Variants in LPAR3 observed in about 807,000 individuals in gnomAD.
LPAR3 encodes lysophosphatidic acid receptor 3, also known as LPA receptor 3.
LPAR3 carries 7 observed loss-of-function variants against 17.8 expected under a neutral mutation model. The observed-to-expected ratio is 0.39, with a 90% CI of 0.22 to 0.74. The LOEUF (loss-of-function observed/expected upper bound fraction) is 0.74. LPAR3 is among the 30% of genes least tolerant of loss of function. LPAR3 has a pLI of 0.40. For missense variants in LPAR3, 391 were observed against 453.4 expected (o/e 0.86, Z 1.25); for synonymous variants, 179 against 179.9 (o/e 0.99, Z 0.04).
chr1:84,858,106 A>T (rs1414290114), intron 2 of LPAR3, among the ~76,000 whole-genome samples: 2 of 152,310 alleles, frequency 1.3e-5, no homozygotes, highest in East Asian at 3.9e-4. Flanking sequence ...CATTCAAAAA[A>T]TGCTCATTTC....
chr1:84,844,471 A>G lies in LPAR3; in HGVS notation c.736+20914T>C, dbSNP rs1489712799. Among the ~76,000 whole-genome samples, 3 of 152,226 alleles carry G rather than the reference A, an allele frequency of 2.0e-5. No homozygotes were observed. The East Asian group carries it at 5.8e-4, about 29-fold the overall frequency. On this transcript the variant is annotated intron_variant, in intron 2 of 2. Transcript: ENST00000370611. ...GACAATTTAGAGATAGCTTAACAAA[A>G]TTTTAAACATGCATTTTCCTGACCT... is the stretch of plus-strand genomic sequence containing the variant.
chr1:84,839,665 C>T (rs1659472702), intron 2 of LPAR3, among the ~76,000 whole-genome samples: 1 of 148,004 alleles, frequency 6.8e-6, no homozygotes, highest in Admixed American at 6.8e-5. Flanking sequence ...GACCCTGTCT[C>T]TAAATAAATA....
At chr1:84,891,494 TG>T (rs905110117) in intron 1 of LPAR3, among the ~76,000 whole-genome samples, 6 of 152,172 alleles carry the variant, frequency 3.9e-5, no homozygotes, top group African/African-American at 1.4e-4. Context: ...TAGACAAGCC[TG>T]GGGTTAACAG....
At chr1:84,841,099 A>G (rs1172359309) in intron 2 of LPAR3, among the ~76,000 whole-genome samples, 1 of 152,210 alleles carries the variant, frequency 6.6e-6, no homozygotes, top group East Asian at 1.9e-4. Flanking sequence ...CCAGTCCTTC[A>G]GTTTTCAACA....
intron 1 of LPAR3, among the ~76,000 whole-genome samples, chr1:84,876,264 A>G (rs920397000): frequency 6.6e-6 from 1 of 152,170 alleles, no homozygotes; most frequent in Non-Finnish European, 1.5e-5. Flanking sequence ...GTAAATGAAT[A>G]TAACGCACAT....
Position 84,875,453 on chromosome 1 carries a change from AT to A in LPAR3, c.-18-9316del, listed in dbSNP as rs373265921. 3.7e-3 allele frequency among the ~76,000 whole-genome samples: 557 copies of A among 152,228 alleles called. 5 individuals carry two copies. The highest frequency in any genetic ancestry group is 0.013 in the African/African-American group (543 of 41,546). The stretch of plus-strand genomic sequence containing the variant: ...ATTAACACTGTTACTGAGAGAGTGG[AT>A]TTGTTATCACAGGAGTGGGCTCCTG... On this transcript the variant is annotated intron_variant, in intron 1 of 2. Transcript: ENST00000370611.
At chr1:84,887,601 A>G (rs1212870642) in intron 1 of LPAR3, among the ~76,000 whole-genome samples, 1 of 152,200 alleles carries the variant, frequency 6.6e-6, no homozygotes, top group Non-Finnish European at 1.5e-5. Flanking sequence ...AAGGTGAAGA[A>G]ATCTGGCAAA....
At chr1:84,837,977 T>C (rs1276689237) in intron 2 of LPAR3, among the ~76,000 whole-genome samples, 2 of 152,192 alleles carry the variant, frequency 1.3e-5, no homozygotes, top group Non-Finnish European at 2.9e-5. Flanking sequence ...GTTGTTTAAC[T>C]AGATGGCTCC....
At chr1:84,881,081 A>T (rs931649277) in intron 1 of LPAR3, among the ~76,000 whole-genome samples, 1 of 152,238 alleles carries the variant, frequency 6.6e-6, no homozygotes, top group African/African-American at 2.4e-5. Context: ...GATGTTTGTC[A>T]GAACAAAGAA....
At chr1:84,874,267 C>T (rs1005604227) in intron 1 of LPAR3, among the ~76,000 whole-genome samples, 1 of 152,112 alleles carries the variant, frequency 6.6e-6, no homozygotes, top group African/African-American at 2.4e-5. Context: ...GATGGTGACA[C>T]GCAGGGAAAA....
intron 1 of LPAR3, among the ~76,000 whole-genome samples, chr1:84,890,605 C>T (rs1047757314): frequency 7.9e-5 from 12 of 152,198 alleles, no homozygotes; most frequent in Non-Finnish European, 1.8e-4. Context: ...ATTTATACTG[C>T]ATTAATAATG....
chr1:84,881,623 A>G (rs1339735852), intron 1 of LPAR3, among the ~76,000 whole-genome samples: 2 of 152,198 alleles, frequency 1.3e-5, no homozygotes, highest in African/African-American at 4.8e-5. Context: ...TAAAATAACT[A>G]CAGTCCAAGA....
chr1:84,838,497 AAAAATCAGT>A (rs1457256946), intron 2 of LPAR3, among the ~76,000 whole-genome samples: 2 of 152,168 alleles, frequency 1.3e-5, no homozygotes, highest in African/African-American at 4.8e-5. Flanking sequence ...CCAACATGTG[AAAAATCAGT>A]AAGTACCATT....
chr1:84,853,107 GAAAAAA>G (rs34146882), intron 2 of LPAR3, among the ~76,000 whole-genome samples: 1 of 141,530 alleles, frequency 7.1e-6, no homozygotes, highest in Non-Finnish European at 1.5e-5. Flanking sequence ...GAAAAGAAAA[GAAAAAA>G]AAAAAAAAAC....
intron 2 of LPAR3, among the ~76,000 whole-genome samples, chr1:84,821,904 C>G (rs1283883439): frequency 6.6e-6 from 1 of 152,102 alleles, no homozygotes; most frequent in African/African-American, 2.4e-5. Flanking sequence ...TAAGAGGAGA[C>G]AGTGTTCAGT....
intron 1 of LPAR3, among the ~76,000 whole-genome samples, chr1:84,892,762 G>A (rs1660576341): frequency 6.6e-6 from 1 of 152,238 alleles, no homozygotes; most frequent in Non-Finnish European, 1.5e-5. Context: ...ACGCAACGCC[G>A]ATTTTGCATC....
chr1:84,840,251 T>G (rs574988569), intron 2 of LPAR3, among the ~76,000 whole-genome samples: 2 of 152,336 alleles, frequency 1.3e-5, no homozygotes, highest in East Asian at 3.9e-4. Flanking sequence ...AGCATTAGTG[T>G]TAATGAAGAA....
At chr1:84,890,393 A>C (rs1326924024) in intron 1 of LPAR3, among the ~76,000 whole-genome samples, 1 of 152,250 alleles carries the variant, frequency 6.6e-6, no homozygotes, top group African/African-American at 2.4e-5. Flanking sequence ...TAGGAGGAAA[A>C]GAGGGCAACC....
intron 2 of LPAR3, among the ~76,000 whole-genome samples, chr1:84,858,730 T>C (rs898473909): frequency 2.0e-5 from 3 of 152,196 alleles, no homozygotes; most frequent in Non-Finnish European, 4.4e-5. Flanking sequence ...CTGAGAGTAC[T>C]AGCTGTTAGA....
Sources: gnomAD v4.1 joint callset for allele counts (sites outside exome capture counted in the v4.1 genomes callset) on GRCh38, gnomAD v4.1.1 for gene constraint, MANE v1.5 for transcripts, NCBI Gene and HGNC (gene_info 2026-07-23, HGNC 2026-07-21) for gene names.